The following ALDH1A2 variants were observed in gnomAD, a reference collection of about 807,000 sequenced individuals.
The protein encoded by ALDH1A2 is retinal dehydrogenase 2.
ALDH1A2 carries 27 observed loss-of-function variants against 60.3 expected under a neutral mutation model. The observed-to-expected ratio is 0.45, with a 90% CI of 0.33 to 0.62. The LOEUF (loss-of-function observed/expected upper bound fraction) is 0.62, where lower values mean the gene tolerates loss of function less well. Among genes scored for constraint, ALDH1A2 ranks in the 20% least tolerant of loss-of-function variants. The pLI, the probability that ALDH1A2 is intolerant of heterozygous loss-of-function variation, is 0.02. For missense variants in ALDH1A2, 581 were observed against 643.8 expected, an observed-to-expected ratio of 0.90 and a Z score of 1.06; for synonymous variants, 289 against 232.4, an observed-to-expected ratio of 1.24 and a Z score of -2.21.
chr15:58,033,069 A>G (rs1896288009), intron 1 of ALDH1A2, among the ~76,000 whole-genome samples: 1 of 152,014 alleles, frequency 6.6e-6, no homozygotes, highest in Admixed American at 6.6e-5. Flanking sequence ...GGATACCTAT[A>G]GTAAGATAGA....
At chr15:57,995,195 A>G in intron 4 of ALDH1A2, 56 bp from the exon 5 acceptor site, 1 of 1,186,120 alleles carries the variant, frequency 8.4e-7, no homozygotes, top group South Asian at 1.3e-5. Context: ...AAAAAAATGC[A>G]AAGGGAGAAC....
intron 4 of ALDH1A2, among the ~76,000 whole-genome samples, chr15:58,003,750 A>G (rs1895354868): frequency 6.6e-6 from 1 of 151,974 alleles, no homozygotes; most frequent in African/African-American, 2.4e-5. Flanking sequence ...AAAATACTCA[A>G]AATGGAGAAA....
At chr15:57,972,790 A>T (rs1298226070) in intron 7 of ALDH1A2, among the ~76,000 whole-genome samples, 1 of 152,200 alleles carries the variant, frequency 6.6e-6, no homozygotes, top group Non-Finnish European at 1.5e-5. Context: ...GGTATTTTTA[A>T]ATAAAATACT....
rs555963926 is a variant in ALDH1A2 at position 58,019,925 on chromosome 15, C to T, written c.118-5644G>A. Among the ~76,000 whole-genome samples, 41 of 152,270 alleles carry T rather than the reference C, an allele frequency of 2.7e-4. 1 individual carries two copies. The highest frequency in any genetic ancestry group is 9.9e-4 in the African/African-American group (41 of 41,556). ...TGGTTTGCTGCACCTATCATCACAT[C>T]ACCTAGGTTTAAGCCCCCCATGCAT... On this transcript the variant is annotated intron_variant, in intron 1 of 12. Coordinates refer to ENST00000249750, the MANE Select transcript of ALDH1A2 (RefSeq NM_003888.4).
intron 7 of ALDH1A2, among the ~76,000 whole-genome samples, chr15:57,970,654 A>G (rs1894032893): frequency 6.6e-6 from 1 of 152,118 alleles, no homozygotes; most frequent in Admixed American, 6.5e-5. Flanking sequence ...TTTTTTATTA[A>G]TTACTCAGGT....
intron 7 of ALDH1A2, among the ~76,000 whole-genome samples, chr15:57,992,004 T>C (rs1397418341): frequency 6.6e-6 from 1 of 152,252 alleles, no homozygotes; most frequent in Non-Finnish European, 1.5e-5. Context: ...CCTGCTGTTT[T>C]GGTATGGCCT....
At chr15:57,991,386 C>A (rs1386169230) in intron 7 of ALDH1A2, 4 of 152,122 alleles carry the variant, frequency 2.6e-5, no homozygotes, top group Non-Finnish European at 5.9e-5. Flanking sequence ...ACAAGGTTAA[C>A]TCGACAAACA....
intron 10 of ALDH1A2, 94 bp from the exon 11 acceptor site, chr15:57,961,388 T>A: frequency 6.9e-7 from 1 of 1,440,506 alleles, no homozygotes; most frequent in Non-Finnish European, 9.6e-7. Flanking sequence ...CTTGATTACT[T>A]AAATGACCTT....
chr15:58,047,854 T>C (rs1896672940), intron 1 of ALDH1A2, among the ~76,000 whole-genome samples: 1 of 152,012 alleles, frequency 6.6e-6, no homozygotes, highest in African/African-American at 2.4e-5. Flanking sequence ...TGGCATTGTA[T>C]AGAAAAAACA....
At chr15:58,049,806 C>CA (rs1896731070) in intron 1 of ALDH1A2, among the ~76,000 whole-genome samples, 1 of 152,040 alleles carries the variant, frequency 6.6e-6, no homozygotes, top group South Asian at 2.1e-4. Flanking sequence ...GAAGAAAACT[C>CA]AAGAGAAATG....
chr15:58,059,138 T>C (rs1896963024), intron 1 of ALDH1A2, among the ~76,000 whole-genome samples: 1 of 152,210 alleles, frequency 6.6e-6, no homozygotes, highest in Admixed American at 6.5e-5. Flanking sequence ...TGATAAGTAA[T>C]TCCCAATGTG....
intron 1 of ALDH1A2, among the ~76,000 whole-genome samples, chr15:58,037,727 C>A (rs996292826): frequency 6.6e-6 from 1 of 151,590 alleles, no homozygotes; most frequent in Non-Finnish European, 1.5e-5. Flanking sequence ...TGGAAGTGTG[C>A]AATTCCTTGG....
intron 1 of ALDH1A2, among the ~76,000 whole-genome samples, chr15:58,058,358 G>T (rs752463489): frequency 6.6e-6 from 1 of 150,870 alleles, no homozygotes; most frequent in Non-Finnish European, 1.5e-5. Context: ...ACAATATTTC[G>T]CCAGATTCAT....
At chr15:57,982,747 T>G (rs1169842494) in intron 7 of ALDH1A2, among the ~76,000 whole-genome samples, 1 of 152,216 alleles carries the variant, frequency 6.6e-6, no homozygotes, top group African/African-American at 2.4e-5. Flanking sequence ...TAATATAATC[T>G]GAAGTGTAAA....
At chr15:58,038,934 C>G (rs1896444724) in intron 1 of ALDH1A2, among the ~76,000 whole-genome samples, 1 of 151,730 alleles carries the variant, frequency 6.6e-6, no homozygotes. Flanking sequence ...AGTTTTGAAA[C>G]CAAGCAGCTG....
At chr15:57,956,566 G>A (rs35588911) in intron 12 of ALDH1A2, among the ~76,000 whole-genome samples, 5,544 of 152,252 alleles carry the variant, frequency 0.036, 171 homozygotes, top group Middle Eastern at 0.086. Flanking sequence ...GGGCAAGCAG[G>A]CTGTTCTCCT....
intron 1 of ALDH1A2, among the ~76,000 whole-genome samples, chr15:58,041,126 G>C (rs1595684722): frequency 6.6e-6 from 1 of 151,870 alleles, no homozygotes; most frequent in Non-Finnish European, 1.5e-5. Context: ...CAAAGGGTTA[G>C]ATTCCTTTAT....
At chr15:57,990,041 T>C (rs1482253980) in intron 7 of ALDH1A2, among the ~76,000 whole-genome samples, 1 of 149,796 alleles carries the variant, frequency 6.7e-6, no homozygotes, top group Non-Finnish European at 1.5e-5. Flanking sequence ...ATCCAGAAGC[T>C]GTCAGAAAAA....
chr15:58,052,925 C>T (rs531822431), intron 1 of ALDH1A2, among the ~76,000 whole-genome samples: 1 of 152,282 alleles, frequency 6.6e-6, no homozygotes, highest in Non-Finnish European at 1.5e-5. Flanking sequence ...TGTTTCAAAA[C>T]ACTTTACCTT....
Sources: allele counts gnomAD v4.1 joint callset (sites outside exome capture counted in the v4.1 genomes callset), GRCh38; gene constraint gnomAD v4.1.1; transcripts MANE v1.5; gene names NCBI Gene and HGNC (gene_info 2026-07-23, HGNC 2026-07-21).